PDE4D: variants seen among roughly 807,000 people sequenced by gnomAD.
PDE4D encodes the protein 3',5'-cyclic-AMP phosphodiesterase 4D.
In PDE4D, 24 loss-of-function variants were observed where a neutral mutation model predicts 87.4. The observed-to-expected ratio is 0.27, with a 90% CI of 0.20 to 0.39. The LOEUF (loss-of-function observed/expected upper bound fraction) is 0.39. PDE4D is among the 10% of genes least tolerant of loss of function. PDE4D has a pLI of 1.00. For synonymous variants in PDE4D, 384 were observed against 383.2 expected, an observed-to-expected ratio of 1.00 and a Z score of -0.02; for missense variants, 714 against 1,041.0, an observed-to-expected ratio of 0.69 and a Z score of 4.32.
intron 1 of PDE4D, among the ~76,000 whole-genome samples, chr5:59,305,014 G>C (rs1158550160): frequency 6.6e-6 from 1 of 152,010 alleles, no homozygotes; most frequent in African/African-American, 2.4e-5. Context: ...CTGTGAATCT[G>C]TCGGGTCTTG....
intron 1 of PDE4D, among the ~76,000 whole-genome samples, chr5:60,449,139 AC>A (rs1231281305): frequency 6.6e-6 from 1 of 151,024 alleles, no homozygotes; most frequent in Non-Finnish European, 1.5e-5. Flanking sequence ...AAACACAGAA[AC>A]CATTAATTTG....
intron 1 of PDE4D, among the ~76,000 whole-genome samples, chr5:60,354,387 AAAG>A (rs1759437802): frequency 6.6e-6 from 1 of 152,200 alleles, no homozygotes; most frequent in Non-Finnish European, 1.5e-5. Context: ...GAGATGTGTT[AAAG>A]TTAAGTTTGG....
intron 1 of PDE4D, among the ~76,000 whole-genome samples, chr5:60,206,680 C>T (rs1742568057): frequency 6.6e-6 from 1 of 152,198 alleles, no homozygotes; most frequent in Non-Finnish European, 1.5e-5. Flanking sequence ...GGATCTGCTG[C>T]TGGATAAACC....
chr5:60,396,996 C>T (rs771762048), intron 1 of PDE4D, among the ~76,000 whole-genome samples: 3 of 152,192 alleles, frequency 2.0e-5, no homozygotes, highest in South Asian at 2.1e-4. Flanking sequence ...AAATTCTTCA[C>T]GTGGTCCAAT....
At chr5:59,978,993 CA>C (rs1184353435) in intron 3 of PDE4D, among the ~76,000 whole-genome samples, 5 of 152,138 alleles carry the variant, frequency 3.3e-5, no homozygotes, top group Non-Finnish European at 5.9e-5. Context: ...TTACACACTA[CA>C]ATATAGTGTA....
At chr5:60,098,493 C>T (rs1015768566) in intron 2 of PDE4D, among the ~76,000 whole-genome samples, 1 of 151,950 alleles carries the variant, frequency 6.6e-6, no homozygotes, top group Admixed American at 6.6e-5. Flanking sequence ...AGATCTTTCA[C>T]ATCCCTGGTT....
At chr5:60,331,426 C>G (rs912739468) in intron 1 of PDE4D, among the ~76,000 whole-genome samples, 66 of 152,386 alleles carry the variant, frequency 4.3e-4, no homozygotes, top group African/African-American at 1.6e-3. Flanking sequence ...ACCCCTCCTT[C>G]TCTTCATGCC....
intron 5 of PDE4D, among the ~76,000 whole-genome samples, chr5:59,141,706 GTAT>G (rs1777910383): frequency 6.6e-6 from 1 of 152,166 alleles, no homozygotes; most frequent in East Asian, 1.9e-4. Flanking sequence ...CCACGCTAAT[GTAT>G]TAGGCATGTG....
At chr5:59,673,890 A>G (rs558398438) in intron 1 of PDE4D, among the ~76,000 whole-genome samples, 14 of 152,312 alleles carry the variant, frequency 9.2e-5, no homozygotes, top group African/African-American at 2.6e-4. Context: ...CCATTGGTTT[A>G]GTCATGTAGT....
chr5:60,463,279 G>C (rs954036492), intron 1 of PDE4D, among the ~76,000 whole-genome samples: 6 of 152,028 alleles, frequency 3.9e-5, no homozygotes, highest in Non-Finnish European at 8.8e-5. Flanking sequence ...CACATCCTTG[G>C]CGTCTAGTTA....
At position 60,469,851 on chromosome 5, in the gene PDE4D, C is replaced by T. The variant is rs554299240; in HGVS notation, c.-90+18091G>A. Among the ~76,000 whole-genome samples, 296 of 152,278 alleles carry T rather than the reference C, an allele frequency of 1.9e-3. 1 individual carries two copies. The highest frequency in any genetic ancestry group is 3.4e-3 in the Middle Eastern group (1 of 294). ...AGAAATCTCTCCTCTCCTCAGGTCT[C>T]CTTCTCCCTGAGACACAACAATATT... On this transcript the variant is annotated intron_variant, in intron 1 of 16. Coordinates refer to the PDE4D transcript ENST00000502484.
At chr5:59,019,907 CTATCTATG>C (rs1754779595) in intron 6 of PDE4D, among the ~76,000 whole-genome samples, 1 of 133,818 alleles carries the variant, frequency 7.5e-6, no homozygotes. Flanking sequence ...ATCTATCTAT[CTATCTATG>C]TGTTTGAATA....
At chr5:60,049,480 TC>T (rs1769800612) in intron 2 of PDE4D, among the ~76,000 whole-genome samples, 1 of 152,242 alleles carries the variant, frequency 6.6e-6, no homozygotes. Flanking sequence ...CTCTGTTTTT[TC>T]CCCATTTTTG....
chr5:58,995,411 C>G (rs754329378), intron 6 of PDE4D, among the ~76,000 whole-genome samples: 8 of 152,094 alleles, frequency 5.3e-5, no homozygotes, highest in Non-Finnish European at 7.4e-5. Context: ...TATCTTATAA[C>G]CTACTGAAAA....
intron 1 of PDE4D, among the ~76,000 whole-genome samples, chr5:59,456,634 AC>A (rs1341965088): frequency 1.3e-5 from 2 of 152,232 alleles, no homozygotes; most frequent in African/African-American, 4.8e-5. Context: ...TGGGAAGGCT[AC>A]TTTCTACAGT....
At chr5:60,023,427 G>A (rs1016653503) in intron 2 of PDE4D, among the ~76,000 whole-genome samples, 1 of 152,076 alleles carries the variant, frequency 6.6e-6, no homozygotes, top group Non-Finnish European at 1.5e-5. Flanking sequence ...AATTTCAGTT[G>A]CATTCCCCCC....
intron 1 of PDE4D, among the ~76,000 whole-genome samples, chr5:59,571,967 A>G (rs567608500): frequency 6.6e-6 from 1 of 152,306 alleles, no homozygotes; most frequent in South Asian, 2.1e-4. Flanking sequence ...TCCTCTTTCC[A>G]GACTGCTTGC....
At chr5:59,174,362 T>C (rs1783488923) in intron 5 of PDE4D, 2 of 152,640 alleles carry the variant, frequency 1.3e-5, no homozygotes, top group Admixed American at 6.5e-5. Flanking sequence ...AATTTACTTA[T>C]TTATTTATTT....
chr5:59,663,481 T>C (rs1481607127), intron 1 of PDE4D, among the ~76,000 whole-genome samples: 1 of 151,956 alleles, frequency 6.6e-6, no homozygotes, highest in Non-Finnish European at 1.5e-5. Context: ...TCTGTTGATA[T>C]TTTTCAAATA....
Sources: allele counts gnomAD v4.1 joint callset (sites outside exome capture counted in the v4.1 genomes callset), GRCh38; gene constraint gnomAD v4.1.1; transcripts MANE v1.5; gene names NCBI Gene and HGNC (gene_info 2026-07-23, HGNC 2026-07-21).